Variants in DPYSL2 observed in about 807,000 individuals in gnomAD.
DPYSL2 encodes dihydropyrimidinase like 2, also known as dihydropyrimidinase-related protein 2.
A neutral mutation model predicts 69.9 loss-of-function variants in DPYSL2; 13 were observed. The ratio of observed to expected loss-of-function variants is 0.19; its 90% confidence interval spans 0.12 to 0.30. The LOEUF (loss-of-function observed/expected upper bound fraction) is 0.30. Among genes scored for constraint, DPYSL2 ranks in the 10% least tolerant of loss-of-function variants. The pLI is 1.00. For missense variants in DPYSL2, 587 were observed against 918.9 expected (o/e 0.64, Z 4.67); for synonymous variants, 326 against 359.1 (o/e 0.91, Z 1.04).
At chr8:26,595,280 C>G (rs924994281) in intron 3 of DPYSL2, among the ~76,000 whole-genome samples, 2 of 151,742 alleles carry the variant, frequency 1.3e-5, no homozygotes, top group Non-Finnish European at 2.9e-5. Context: ...ACTTCTTATG[C>G]AAGAAAATAA....
rs1211474574 is a variant in DPYSL2, at chr8:26,580,165, CTG to C, written c.355-1801_355-1800del. Among the ~76,000 whole-genome samples, 12 of 152,112 alleles carry C rather than the reference CTG, an allele frequency of 7.9e-5. No individual in the cohort carries two copies. The highest frequency in any genetic ancestry group is 2.9e-4 in the African/African-American group (12 of 41,490). ...ATGGCTGGGGCAGGTACCACAGTGA[CTG>C]TGGAGGCAGGAGGTGAAGGGGGAGG... On this transcript the variant is annotated intron_variant, in intron 1 of 13. Coordinates refer to ENST00000521913, the MANE Select transcript of DPYSL2 (RefSeq NM_001197293.3). This position sits in a 1 kb window ranked among gnomAD's most constrained non-coding sequence, Gnocchi z 4.1.
In DPYSL2 at chr8:26,514,321, G is replaced by T; in HGVS notation, c.-5G>T. On this transcript the variant is annotated 5_prime_UTR_variant, in exon 1 of 14. Transcript: ENST00000521913. This position sits in a 1 kb window ranked among gnomAD's most constrained non-coding sequence, Gnocchi z 8.4. The stretch of plus-strand genomic sequence containing the variant: ...CGGCGAGGACCCTACCCGAGCCCCC[G>T]AGCCATGGCCGAGAGAAAGCAATCC... 2 of 1,447,868 alleles carry T rather than the reference G, an allele frequency of 1.4e-6. No individual in the cohort carries two copies. Among genetic ancestry groups the T allele is most frequent in the Non-Finnish European group, 1.8e-6 (2 of 1,102,252 alleles). 89.7% of individuals were successfully genotyped at this position (1,447,868 alleles called of 1,614,324 possible).
rs1803321196 is a variant in DPYSL2, at chr8:26,653,504, T to C, written c.1942+107T>C. The C allele has an allele frequency of 2.7e-6, 3 of 1,126,718 alleles. No homozygotes were observed. The highest frequency in any genetic ancestry group is 3.0e-5 in the South Asian group (2 of 66,416). The allele number at this position is 1,126,718 out of a possible 1,614,324, so 69.8% of individuals were successfully genotyped here. ...GACACAGAAATAGAAGTGAATGATA[T>C]TCCCTTTCTCTCCAACGTGAGAAAT... On this transcript the variant is annotated intron_variant, in intron 13 of 13. Coordinates refer to ENST00000521913, the MANE Select transcript of DPYSL2 (RefSeq NM_001197293.3). This position sits in a 1 kb window ranked among gnomAD's most constrained non-coding sequence, Gnocchi z 5.7.
rs75272363 is a variant in DPYSL2 at position 26,610,538 on chromosome 8, G to T, written c.629-13605G>T. 0.023 allele frequency among the ~76,000 whole-genome samples: 3,485 copies of T among 152,222 alleles called. 47 individuals are homozygous for T. Among genetic ancestry groups the T allele is most frequent in the South Asian group, 0.05 (239 of 4,828 alleles). On this transcript the variant is annotated intron_variant, in intron 3 of 13. Transcript: ENST00000521913. The surrounding 1 kb of genome is among the most constrained non-coding windows in gnomAD (Gnocchi z 4.5). ...CAGTTTCATGCAGAAGACTTAGCTAGATGAGTGACTCAAAGTTCCATGCCT... is the reference window on the plus strand; with the variant it reads ...CAGTTTCATGCAGAAGACTTAGCTATATGAGTGACTCAAAGTTCCATGCCT...
At chr8:26,632,349 G>A (rs979012403) in intron 7 of DPYSL2, among the ~76,000 whole-genome samples, 9 of 152,232 alleles carry the variant, frequency 5.9e-5, no homozygotes, top group South Asian at 2.1e-4. Context: ...CAGAAAGTGA[G>A]TGTAGAGATA....
At chr8:26,558,053 T>G (rs1801017433) in intron 1 of DPYSL2, among the ~76,000 whole-genome samples, 1 of 152,030 alleles carries the variant, frequency 6.6e-6, no homozygotes, top group African/African-American at 2.4e-5. Context: ...CAAAACTAAA[T>G]ATTATCTTAC....
At position 26,587,369 on chromosome 8, in the gene DPYSL2, C is replaced by G. The variant is rs1801630695; in HGVS notation, c.628+3386C>G. ...CCTCCCAACTCCCCGCCACCCCGCC[C>G]CTGGGCACTCCACCCTCCTGGCTTT... On this transcript the variant is annotated intron_variant, in intron 3 of 13. Transcript: ENST00000521913. The surrounding 1 kb of genome is among the most constrained non-coding windows in gnomAD (Gnocchi z 4.2). Among the ~76,000 whole-genome samples the G allele has an allele frequency of 6.6e-6, 1 of 152,174 alleles. No homozygotes were observed. The highest frequency in any genetic ancestry group is 2.1e-4 in the South Asian group (1 of 4,830).
In DPYSL2 at chr8:26,620,001, C is replaced by A. The variant is rs1802444793; in HGVS notation, c.629-4142C>A. ...GCCTGAAGTTGTCCTTGTCTGTCAC[C>A]CTCCCCACTTTGTCTAAGGGTGAGT... On this transcript the variant is annotated intron_variant, in intron 3 of 13. Coordinates refer to ENST00000521913, the MANE Select transcript of DPYSL2 (RefSeq NM_001197293.3). This position sits in a 1 kb window ranked among gnomAD's most constrained non-coding sequence, Gnocchi z 4.5. 1 of 152,158 alleles carries A rather than the reference C, an allele frequency of 6.6e-6. No individual in the cohort carries two copies. The highest frequency in any genetic ancestry group is 6.5e-5 in the Admixed American group (1 of 15,270). 9.4% of individuals were successfully genotyped at this position (152,158 alleles called of 1,614,324 possible). A position where few individuals can be genotyped will look rare whatever the true frequency, so the allele number is the denominator to read the frequency against.
chr8:26,549,895 T>C (rs1343811752), intron 1 of DPYSL2, among the ~76,000 whole-genome samples: 2 of 151,852 alleles, frequency 1.3e-5, no homozygotes, highest in African/African-American at 4.8e-5. Context: ...ACTGGTGACA[T>C]TGCAAGAAAT....
At chr8:26,634,957 G>T (rs1266094070) in intron 8 of DPYSL2, 57 bp downstream of exon 8, 8 of 1,606,194 alleles carry the variant, frequency 5.0e-6, no homozygotes, top group African/African-American at 1.3e-5. Flanking sequence ...AGGGGAGGGG[G>T]GCTCCTCACT....
intron 1 of DPYSL2, among the ~76,000 whole-genome samples, chr8:26,539,701 G>A (rs1381087636): frequency 1.3e-5 from 2 of 152,066 alleles, no homozygotes; most frequent in African/African-American, 2.4e-5. Context: ...CACCACGTCC[G>A]GCTAATTTTT....
At chr8:26,559,296 C>T (rs1162584051) in intron 1 of DPYSL2, among the ~76,000 whole-genome samples, 1 of 152,100 alleles carries the variant, frequency 6.6e-6, no homozygotes, top group African/African-American at 2.4e-5. Flanking sequence ...AATATTTGCC[C>T]ATTATTTCCT....
In DPYSL2 at chr8:26,652,216, C is replaced by G; in HGVS notation, c.1597-41C>G. On this transcript the variant is annotated intron_variant, in intron 11 of 13. Coordinates refer to ENST00000521913, the MANE Select transcript of DPYSL2 (RefSeq NM_001197293.3). The surrounding 1 kb of genome is among the most constrained non-coding windows in gnomAD (Gnocchi z 6.3). Reference sequence around the variant, plus strand: ...TGCTGCCGGGTGGATTGAGTCCAGCCAGAGTGGCCTGTTCTAGAGTTTACT... The same window carrying G: ...TGCTGCCGGGTGGATTGAGTCCAGCGAGAGTGGCCTGTTCTAGAGTTTACT... The G allele has an allele frequency of 3.2e-6, 5 of 1,565,448 alleles. No homozygotes were observed. The highest frequency in any genetic ancestry group is 3.5e-6 in the Non-Finnish European group (4 of 1,152,738).
intron 1 of DPYSL2, among the ~76,000 whole-genome samples, chr8:26,542,122 C>CA (rs1419551292): frequency 6.6e-6 from 1 of 151,934 alleles, no homozygotes; most frequent in Non-Finnish European, 1.5e-5. Context: ...CCCATATCTA[C>CA]AAAAAAATTT....
At chr8:26,548,754 C>T (rs1800823837) in intron 1 of DPYSL2, among the ~76,000 whole-genome samples, 1 of 151,954 alleles carries the variant, frequency 6.6e-6, no homozygotes, top group South Asian at 2.1e-4. Context: ...TAGTGCATGC[C>T]TGTGGTCCCA....
At chr8:26,524,835 A>AAAAAGAG (rs1563374151) in intron 1 of DPYSL2, among the ~76,000 whole-genome samples, 5 of 74,228 alleles carry the variant, frequency 6.7e-5, no homozygotes, top group South Asian at 1.2e-3. Context: ...AAAAAAAAAA[A>AAAAAGAG]AGAGAGAGAA....
chr8:26,578,826 G>A (rs1211686088), intron 1 of DPYSL2, among the ~76,000 whole-genome samples: 3 of 152,236 alleles, frequency 2.0e-5, no homozygotes, highest in Non-Finnish European at 4.4e-5. Context: ...GCAGAGGGAT[G>A]CTGAAAAGGG....
chr8:26,629,229 G>A (rs893056750), intron 7 of DPYSL2, among the ~76,000 whole-genome samples: 12 of 151,994 alleles, frequency 7.9e-5, no homozygotes, highest in Non-Finnish European at 1.8e-4. Context: ...GCACACAACA[G>A]ACATAGACAC....
intron 1 of DPYSL2, among the ~76,000 whole-genome samples, chr8:26,525,196 T>C (rs980892622): frequency 6.6e-6 from 1 of 152,176 alleles, no homozygotes; most frequent in African/African-American, 2.4e-5. Flanking sequence ...TCCTAAAATC[T>C]TTTTGAATTT....
Sources: allele counts gnomAD v4.1 joint callset (sites outside exome capture counted in the v4.1 genomes callset), GRCh38; gene constraint gnomAD v4.1.1; non-coding constraint Gnocchi (gnomAD v3.1); transcripts MANE v1.5; gene names NCBI Gene and HGNC (gene_info 2026-07-23, HGNC 2026-07-21).